The following MACROD2 variants were observed in gnomAD, a reference collection of about 807,000 sequenced individuals.
MACROD2 encodes ADP-ribose glycohydrolase MACROD2.
A neutral mutation model predicts 70.4 loss-of-function variants in MACROD2; 36 were observed. The observed-to-expected ratio is 0.51, with a 90% confidence interval of 0.39 to 0.68. MACROD2 has a LOEUF of 0.68. Among genes scored for constraint, MACROD2 ranks in the 30% least tolerant of loss-of-function variants. MACROD2 has a pLI of 0.00. For synonymous variants in MACROD2, 172 were observed against 178.8 expected (o/e 0.96, Z 0.30); for missense variants, 496 against 538.4 (o/e 0.92, Z 0.78).
intron 6 of MACROD2, among the ~76,000 whole-genome samples, chr20:15,335,263 T>C (rs2146197833): frequency 6.6e-6 from 1 of 151,902 alleles, no homozygotes; most frequent in South Asian, 2.1e-4. Flanking sequence ...CACTCTTCTC[T>C]CATCAGAGAG....
chr20:15,727,681 T>C (rs931938583), intron 8 of MACROD2, among the ~76,000 whole-genome samples: 2 of 152,158 alleles, frequency 1.3e-5, no homozygotes, highest in Non-Finnish European at 2.9e-5. Flanking sequence ...TTCCTAGGTA[T>C]TTTATTCTTT....
intron 5 of MACROD2, among the ~76,000 whole-genome samples, chr20:14,932,932 A>G (rs538657355): frequency 6.8e-4 from 104 of 152,304 alleles, no homozygotes; most frequent in Admixed American, 1.3e-3. Context: ...GGATAATTAT[A>G]TAACTAATTT....
At chr20:16,037,546 AATATT>A (rs1211266087) in intron 15 of MACROD2, among the ~76,000 whole-genome samples, 1 of 151,782 alleles carries the variant, frequency 6.6e-6, no homozygotes, top group Non-Finnish European at 1.5e-5. Context: ...AAATAATAAT[AATATT>A]ATATTTTAAA....
chr20:15,630,495 T>C (rs2049272235), intron 8 of MACROD2, among the ~76,000 whole-genome samples: 1 of 152,248 alleles, frequency 6.6e-6, no homozygotes. Flanking sequence ...AACTGGATTA[T>C]AAAATCCTCA....
intron 7 of MACROD2, among the ~76,000 whole-genome samples, chr20:15,495,443 ATC>A (rs2047285188): frequency 6.6e-6 from 1 of 152,152 alleles, no homozygotes; most frequent in South Asian, 2.1e-4. Context: ...TTTCACATAA[ATC>A]TCTATATTTT....
chr20:14,200,433 C>G (rs1012675280), intron 3 of MACROD2, among the ~76,000 whole-genome samples: 5 of 152,160 alleles, frequency 3.3e-5, no homozygotes, highest in African/African-American at 1.2e-4. Context: ...CCAATGAGTA[C>G]TACGCTTAAT....
chr20:14,447,861 G>A (rs753160223), intron 3 of MACROD2, among the ~76,000 whole-genome samples: 12 of 151,724 alleles, frequency 7.9e-5, no homozygotes, highest in Non-Finnish European at 1.5e-4. Context: ...AATGGAAGAT[G>A]GGAAAACTAG....
chr20:14,184,170 C>T (rs926950665), intron 3 of MACROD2, among the ~76,000 whole-genome samples: 2 of 151,996 alleles, frequency 1.3e-5, no homozygotes, highest in Non-Finnish European at 2.9e-5. Context: ...TTGGGCTTTG[C>T]ATTTAAGTCT....
chr20:15,279,922 A>G (rs1451082501), intron 6 of MACROD2, among the ~76,000 whole-genome samples: 3 of 152,206 alleles, frequency 2.0e-5, no homozygotes, highest in Non-Finnish European at 2.9e-5. Flanking sequence ...CATAAGTACA[A>G]TTCACAAACC....
intron 5 of MACROD2, among the ~76,000 whole-genome samples, chr20:14,843,321 G>T (rs2122282466): frequency 6.6e-6 from 1 of 150,986 alleles, no homozygotes; most frequent in East Asian, 1.9e-4. Context: ...TTCTAAATCT[G>T]CATGTTTGTA....
intron 2 of MACROD2, among the ~76,000 whole-genome samples, chr20:14,023,397 A>T (rs1306033622): frequency 6.6e-6 from 1 of 152,166 alleles, no homozygotes; most frequent in Non-Finnish European, 1.5e-5. Flanking sequence ...GAAGTTCTTT[A>T]GTTTAATTAG....
At chr20:14,720,776 T>A (rs972707107) in intron 5 of MACROD2, among the ~76,000 whole-genome samples, 4 of 151,618 alleles carry the variant, frequency 2.6e-5, no homozygotes, top group Non-Finnish European at 4.4e-5. Context: ...ATGGTCTCAA[T>A]CTCATGACCT....
intron 5 of MACROD2, among the ~76,000 whole-genome samples, chr20:15,082,523 G>GTTTT (rs753606217): frequency 3.2e-4 from 33 of 101,756 alleles, no homozygotes; most frequent in Admixed American, 6.6e-4. Flanking sequence ...ACTGCAAGAG[G>GTTTT]TTTTTTTTTT....
chr20:16,001,680 G>T (rs770994661), intron 15 of MACROD2, among the ~76,000 whole-genome samples: 57 of 152,060 alleles, frequency 3.7e-4, no homozygotes, highest in Non-Finnish European at 7.8e-4. Flanking sequence ...AAATTTCAAA[G>T]GAGAATTTTT....
intron 6 of MACROD2, among the ~76,000 whole-genome samples, chr20:15,304,689 C>T (rs2077679296): frequency 6.6e-6 from 1 of 152,138 alleles, no homozygotes; most frequent in Non-Finnish European, 1.5e-5. Context: ...CTGCAGACGA[C>T]CCCTTCCCGC....
chr20:15,305,049 C>G (rs1030741512), intron 6 of MACROD2, among the ~76,000 whole-genome samples: 2 of 152,222 alleles, frequency 1.3e-5, no homozygotes, highest in African/African-American at 4.8e-5. Context: ...GCTATAGCCC[C>G]CACCTACATC....
At chr20:14,407,051 C>A (rs2083697875) in intron 3 of MACROD2, among the ~76,000 whole-genome samples, 1 of 151,756 alleles carries the variant, frequency 6.6e-6, no homozygotes. Context: ...GGTCTACAGG[C>A]CTTTTTTAGC....
rs149050622 is a variant in MACROD2 at position 16,044,484 on chromosome 20, G to T, written c.1232-87G>T. 8.0e-4 allele frequency: 891 copies of T among 1,111,776 alleles called. 9 individuals are homozygous for T. The African/African-American group carries it at 0.012, about 16-fold the overall frequency. 68.9% of individuals were successfully genotyped at this position (1,111,776 alleles called of 1,614,324 possible). A position where few individuals can be genotyped will look rare whatever the true frequency, so the allele number is the denominator to read the frequency against. ...AAAGAGGCATCAAATAGGAAATCAG[G>T]AAAGTATCAAATCATGGGTCATTTT... On this transcript the variant is annotated intron_variant, in intron 16 of 17. Transcript: ENST00000684519.
At chr20:15,760,575 C>T (rs1279432234) in intron 8 of MACROD2, among the ~76,000 whole-genome samples, 1 of 152,102 alleles carries the variant, frequency 6.6e-6, no homozygotes, top group Admixed American at 6.5e-5. Context: ...CTTCCCACTG[C>T]GGAATAGGTC....
Sources: gnomAD v4.1 joint callset for allele counts (sites outside exome capture counted in the v4.1 genomes callset) on GRCh38, gnomAD v4.1.1 for gene constraint, MANE v1.5 for transcripts, NCBI Gene and HGNC (gene_info 2026-07-23, HGNC 2026-07-21) for gene names.